SLC12A8: variants seen among roughly 807,000 people sequenced by gnomAD.
SLC12A8 encodes the protein cation-chloride cotransporter 9.
SLC12A8 carries 69 observed loss-of-function variants against 75.6 expected under a neutral mutation model. That is an observed-to-expected ratio of 0.91 (90% CI 0.75 to 1.11). The LOEUF (loss-of-function observed/expected upper bound fraction) is 1.11, where lower values mean the gene tolerates loss of function less well. Among genes scored for constraint, SLC12A8 ranks in the 50% most tolerant of loss-of-function variants. The probability of loss-of-function intolerance (pLI) is 0.00; values close to 1 mark genes in which losing one functional copy is unlikely to be tolerated. For missense variants in SLC12A8, 877 were observed against 896.7 expected, an observed-to-expected ratio of 0.98 and a Z score of 0.28; for synonymous variants, 365 against 372.8, an observed-to-expected ratio of 0.98 and a Z score of 0.24.
chr3:125,130,926 G>A (rs702045), intron 6 of SLC12A8, among the ~76,000 whole-genome samples: 122,323 of 152,154 alleles, frequency 0.8, 50,527 homozygotes, highest in Middle Eastern at 0.95. Context: ...AGTGTGACCA[G>A]GCAAAGAGGC....
At chr3:125,209,816 A>G (rs1006422574) in intron 2 of SLC12A8, among the ~76,000 whole-genome samples, 4 of 152,236 alleles carry the variant, frequency 2.6e-5, no homozygotes, top group African/African-American at 9.6e-5. Flanking sequence ...GTGAGAAGCT[A>G]TTGAAGGAAT....
At chr3:125,148,243 C>T (rs184536718) in intron 5 of SLC12A8, among the ~76,000 whole-genome samples, 73 of 152,208 alleles carry the variant, frequency 4.8e-4, no homozygotes, top group Non-Finnish European at 8.8e-4. Flanking sequence ...AAATGCAATC[C>T]CCAGGGAGAT....
At chr3:125,171,215 C>CCCAGCACTTTGGGAGACAGAGGCAGGCAG (rs1324962798) in intron 5 of SLC12A8, among the ~76,000 whole-genome samples, 1 of 3,820 alleles carries the variant, frequency 2.6e-4, no homozygotes, top group Non-Finnish European at 1.3e-3. Context: ...TGAAAGATAT[C>CCCAGCACTTTGGGAGACAGAGGCAGGCAG]ATCTCACACC....
At chr3:125,103,690 T>C (rs1338303438) in intron 10 of SLC12A8, among the ~76,000 whole-genome samples, 22 of 152,090 alleles carry the variant, frequency 1.4e-4, no homozygotes, top group Admixed American at 1.4e-3. Flanking sequence ...TGGAGTGCAG[T>C]GATGTGATCA....
chr3:125,125,219 T>G (rs1933172440), intron 6 of SLC12A8, among the ~76,000 whole-genome samples: 1 of 152,098 alleles, frequency 6.6e-6, no homozygotes, highest in Non-Finnish European at 1.5e-5. Context: ...AATTACTATT[T>G]GGTCTCGACA....
intron 4 of SLC12A8, among the ~76,000 whole-genome samples, chr3:125,183,740 C>T (rs1276761967): frequency 6.6e-6 from 1 of 152,110 alleles, no homozygotes; most frequent in Admixed American, 6.5e-5. Flanking sequence ...CAGGCTGAAG[C>T]TAGACATTTT....
At chr3:125,201,177 T>C (rs1935112868) in intron 2 of SLC12A8, among the ~76,000 whole-genome samples, 1 of 152,054 alleles carries the variant, frequency 6.6e-6, no homozygotes, top group South Asian at 2.1e-4. Flanking sequence ...GGCGGGAAGA[T>C]CACTTGAGGC....
At chr3:125,193,028 G>C (rs1934937122) in intron 2 of SLC12A8, among the ~76,000 whole-genome samples, 1 of 152,228 alleles carries the variant, frequency 6.6e-6, no homozygotes, top group Non-Finnish European at 1.5e-5. Context: ...AAGCCCCCGA[G>C]GGATATTTCC....
chr3:125,103,459 TAAAAA>T (rs34404091), intron 10 of SLC12A8, among the ~76,000 whole-genome samples: 1 of 120,908 alleles, frequency 8.3e-6, no homozygotes. Context: ...GTACTTCACT[TAAAAA>T]AAAAAAAAAA....
In SLC12A8 at chr3:125,120,508, C is replaced by T. The variant is rs1933026952; in HGVS notation, c.824+91G>A. 1.1e-5 allele frequency: 10 copies of T among 886,962 alleles called. No homozygotes were observed. In the Admixed American group the frequency reaches 1.8e-4, roughly 16 times the overall value. 54.9% of individuals were successfully genotyped at this position (886,962 alleles called of 1,614,324 possible). A position where few individuals can be genotyped will look rare whatever the true frequency, so the allele number is the denominator to read the frequency against. Reference sequence around the variant, plus strand: ...TGAAATAGATTGGTCACAGTCGGGGCACTCTCAGAACAAAAGGGGCAATCC... The same window carrying T: ...TGAAATAGATTGGTCACAGTCGGGGTACTCTCAGAACAAAAGGGGCAATCC... On this transcript the variant is annotated intron_variant, in intron 7 of 13. Coordinates refer to ENST00000469902, the MANE Select transcript of SLC12A8 (RefSeq NM_024628.6).
At chr3:125,119,461 C>T (rs1423703001) in intron 7 of SLC12A8, among the ~76,000 whole-genome samples, 2 of 152,224 alleles carry the variant, frequency 1.3e-5, no homozygotes, top group African/African-American at 2.4e-5. Context: ...GGCTCTGTCC[C>T]CAAGATGCCC....
In SLC12A8 at chr3:125,193,816, G is replaced by T. The variant is rs556654334; in HGVS notation, c.52-3295C>A. 6.6e-5 allele frequency among the ~76,000 whole-genome samples: 10 copies of T among 152,264 alleles called. No homozygotes were observed. In the South Asian group the frequency reaches 1.9e-3, roughly 28 times the overall value. On this transcript the variant is annotated intron_variant, in intron 2 of 13. Transcript: ENST00000469902. ...ACCCAGTCATTTCTGTTGCCCAGGG[G>T]AGGAGGGGGTGGAAGCGCTGGGGTG...
chr3:125,185,788 G>A (rs777575294), intron 4 of SLC12A8, among the ~76,000 whole-genome samples: 3 of 152,126 alleles, frequency 2.0e-5, no homozygotes, highest in Admixed American at 6.5e-5. Context: ...AGGGACTCCT[G>A]GCCCGCGCCA....
chr3:125,084,179 T>C (rs554908393), intron 13 of SLC12A8, 127 bp from the exon 14 acceptor site: 1 of 746,270 alleles, frequency 1.3e-6, no homozygotes, highest in African/African-American at 1.8e-5. Context: ...AAAACATAAT[T>C]CTTGAAAGGT....
rs57011863 is a variant in SLC12A8, at chr3:125,104,003, TAA to T, written c.1705+3476_1705+3477del. Among the ~76,000 whole-genome samples, 291 of 135,498 alleles carry T rather than the reference TAA, an allele frequency of 2.1e-3. 1 individual carries two copies. The highest frequency in any genetic ancestry group is 0.014 in the South Asian group (60 of 4,152). The allele number at this position is 135,498 out of a possible 152,430, so 88.9% of individuals were successfully genotyped here. ...CATTTTAGTAAAAGCCTCCAAGATTTAAAAAAAAAAAAAAAGAGAGAGAAAGA... is the reference window on the plus strand; with the variant it reads ...CATTTTAGTAAAAGCCTCCAAGATTTAAAAAAAAAAAAAGAGAGAGAAAGA... On this transcript the variant is annotated intron_variant, in intron 10 of 13. Transcript: ENST00000469902.
At chr3:125,127,545 A>G (rs1384083377) in intron 6 of SLC12A8, among the ~76,000 whole-genome samples, 1 of 152,220 alleles carries the variant, frequency 6.6e-6, no homozygotes, top group Non-Finnish European at 1.5e-5. Context: ...ATGCGGCCTG[A>G]AATTTTTTTG....
intron 6 of SLC12A8, among the ~76,000 whole-genome samples, chr3:125,129,012 G>C (rs912266416): frequency 1.3e-5 from 2 of 152,214 alleles, no homozygotes; most frequent in African/African-American, 4.8e-5. Flanking sequence ...GGGCATCACA[G>C]AAATAGCTGG....
intron 2 of SLC12A8, among the ~76,000 whole-genome samples, chr3:125,196,380 T>C (rs1935009013): frequency 6.6e-6 from 1 of 152,216 alleles, no homozygotes; most frequent in Non-Finnish European, 1.5e-5. Flanking sequence ...AATTTGGGTA[T>C]TTGTAGGAGT....
intron 6 of SLC12A8, among the ~76,000 whole-genome samples, chr3:125,131,010 C>T (rs1327797031): frequency 2.0e-5 from 3 of 152,210 alleles, no homozygotes; most frequent in Non-Finnish European, 4.4e-5. Context: ...GGGGACACTG[C>T]CAGGCTCCAG....
Sources: gnomAD v4.1 joint callset for allele counts (sites outside exome capture counted in the v4.1 genomes callset) on GRCh38, gnomAD v4.1.1 for gene constraint, MANE v1.5 for transcripts, NCBI Gene and HGNC (gene_info 2026-07-23, HGNC 2026-07-21) for gene names.